EIF1: variants seen among roughly 807,000 people sequenced by gnomAD.
EIF1 encodes the protein eukaryotic translation initiation factor 1.
A neutral mutation model predicts 13.7 loss-of-function variants in EIF1; 4 were observed. That is an observed-to-expected ratio of 0.29 (90% CI 0.14 to 0.67). EIF1 has a LOEUF of 0.67. Among genes scored for constraint, EIF1 ranks in the 30% least tolerant of loss-of-function variants. The probability of loss-of-function intolerance (pLI) is 0.77; values close to 1 mark genes in which losing one functional copy is unlikely to be tolerated. For synonymous variants in EIF1, 67 were observed against 50.7 expected (o/e 1.32, Z -1.37); for missense variants, 64 against 138.0 (o/e 0.46, Z 2.69).
rs766612362 is a variant in EIF1, at chr17:41,689,893, G to A, written c.147G>A (p.Gly49=). 1 of 1,612,804 alleles carries A rather than the reference G, an allele frequency of 6.2e-7. No individual in the cohort carries two copies. The highest frequency in any genetic ancestry group is 8.5e-7 in the Non-Finnish European group (1 of 1,179,446). Residue 49 remains glycine (G), a synonymous_variant, in exon 2 of 4, where the codon GGG becomes GGA. Transcript: ENST00000469257. ...NGRKTLTTVQ[G]IADDYDKKKL... is the part of the protein sequence containing the mutation. ...GGAAGACCCTTACTACTGTCCAAGG[G>A]ATCGCTGATGATTACGATAAAAAGA...
intron 2 of EIF1, 49 bp from the exon 3 acceptor site, chr17:41,690,039 T>C: frequency 6.2e-7 from 1 of 1,610,486 alleles, no homozygotes; most frequent in Non-Finnish European, 8.5e-7. Flanking sequence ...GGGTGATAAA[T>C]GCGTTCATGC....
chr17:41,692,426 C>T lies in EIF1; in HGVS notation c.*1600C>T, dbSNP rs561252373. On this transcript the variant is annotated 3_prime_UTR_variant, in exon 4 of 4. Coordinates refer to ENST00000469257, the MANE Select transcript of EIF1 (RefSeq NM_005801.4). ...GGCAAGTAAAAGACCAAGTTCTGTTCCTGGGTCCATTAATTTAGTTAAAAA... is the reference window on the plus strand; with the variant it reads ...GGCAAGTAAAAGACCAAGTTCTGTTTCTGGGTCCATTAATTTAGTTAAAAA... The T allele has an allele frequency of 2.0e-5, 3 of 152,314 alleles. 1 individual carries two copies. In the Middle Eastern group the frequency reaches 0.01, roughly 518 times the overall value. The allele number at this position is 152,314 out of a possible 1,614,324, so 9.4% of individuals were successfully genotyped here.
intron 2 of EIF1, 69 bp downstream of exon 2, chr17:41,690,010 T>G: frequency 6.2e-7 from 1 of 1,611,466 alleles, no homozygotes; most frequent in Non-Finnish European, 8.5e-7. Context: ...AGCTGTGTTG[T>G]ATGTATTGTT....
At chr17:41,690,260 T>C in intron 3 of EIF1, 71 bp downstream of exon 3, 1 of 1,377,072 alleles carries the variant, frequency 7.3e-7, no homozygotes. Context: ...TAGCTTCTGC[T>C]GGGGACATAA....
chr17:41,690,384 C>T (rs1253937442), intron 3 of EIF1, 195 bp downstream of exon 3: 1 of 578,928 alleles, frequency 1.7e-6, no homozygotes, highest in African/African-American at 1.9e-5. Context: ...TTTACTGTTT[C>T]TGTGGATCTA....
Position 41,688,893 on chromosome 17 carries a change from C to G in EIF1, c.-146C>G. ...ACAGGCACCGCCCCTCTGCCCCAGTCACTGAGCCGCCGCCGAGGATTCAGC... is the reference window on the plus strand; with the variant it reads ...ACAGGCACCGCCCCTCTGCCCCAGTGACTGAGCCGCCGCCGAGGATTCAGC... On this transcript the variant is annotated 5_prime_UTR_variant, in exon 1 of 4. Transcript: ENST00000469257. The G allele has an allele frequency of 5.2e-6, 4 of 768,644 alleles. No individual in the cohort carries two copies. Among genetic ancestry groups the G allele is most frequent in the Non-Finnish European group, 8.6e-6 (4 of 466,572 alleles). 47.6% of individuals were successfully genotyped at this position (768,644 alleles called of 1,614,324 possible).
In EIF1 at chr17:41,688,904, C is replaced by T. The variant is rs867796736; in HGVS notation, c.-135C>T. ...CCCTCTGCCCCAGTCACTGAGCCGC[C>T]GCCGAGGATTCAGCAGCCTCCCCCT... On this transcript the variant is annotated 5_prime_UTR_variant, in exon 1 of 4. Transcript: ENST00000469257. 3.3e-4 allele frequency: 281 copies of T among 852,728 alleles called. 2 individuals carry two copies. Among genetic ancestry groups the T allele is most frequent in the Non-Finnish European group, 4.8e-4 (261 of 539,082 alleles). The allele number at this position is 852,728 out of a possible 1,614,324, so 52.8% of individuals were successfully genotyped here.
intron 3 of EIF1, chr17:41,690,516 A>C: frequency 1.8e-6 from 1 of 560,716 alleles, no homozygotes; most frequent in South Asian, 2.5e-5. Flanking sequence ...ATTAATACTA[A>C]AATACTGTTA....
chr17:41,691,132 G>A lies in EIF1; in HGVS notation c.*306G>A, dbSNP rs1383023839. 3.8e-6 allele frequency: 2 copies of A among 525,588 alleles called. No homozygotes were observed. The highest frequency in any genetic ancestry group is 6.8e-6 in the Non-Finnish European group (2 of 294,510). 32.6% of individuals were successfully genotyped at this position (525,588 alleles called of 1,614,324 possible). On this transcript the variant is annotated 3_prime_UTR_variant, in exon 4 of 4. Transcript: ENST00000469257. ...AGCCCTAAGATTACAAACAACTATG[G>A]CCGGAACCTCCTCAGCTCTCCCTCT...
At chr17:41,689,711 G>A in intron 1 of EIF1, 67 bp from the exon 2 acceptor site, 1 of 1,488,968 alleles carries the variant, frequency 6.7e-7, no homozygotes, top group South Asian at 1.3e-5. Context: ...AAACACCTGG[G>A]GACCGAGGGG....
intron 1 of EIF1, 71 bp downstream of exon 1, chr17:41,689,140 G>A: frequency 1.9e-6 from 3 of 1,564,432 alleles, no homozygotes; most frequent in Admixed American, 1.7e-5. Flanking sequence ...CGTGTTCCGG[G>A]AAGTTGCCAA....
At position 41,690,746 on chromosome 17, in the gene EIF1, T is replaced by TC. The variant is rs754429548; in HGVS notation, c.298-31dup. On this transcript the variant is annotated intron_variant, in intron 3 of 3. Coordinates refer to ENST00000469257, the MANE Select transcript of EIF1 (RefSeq NM_005801.4). ...GAAATGGAGGCTTTAACTCTCCCTGTCCCCCATTTAAAACTTTGCCCTTTT... is the reference window on the plus strand; with the variant it reads ...GAAATGGAGGCTTTAACTCTCCCTGTCCCCCCATTTAAAACTTTGCCCTTTT... 2.5e-6 allele frequency: 4 copies of TC among 1,612,186 alleles called. No individual in the cohort carries two copies. The South Asian group carries it at 4.4e-5, about 18-fold the overall frequency.
intron 1 of EIF1, chr17:41,689,436 C>T (rs1910302151): frequency 4.2e-6 from 2 of 479,502 alleles, no homozygotes; most frequent in African/African-American, 2.0e-5. Context: ...AAGTGGCAAG[C>T]GGGTGCACCA....
chr17:41,691,217 G>C lies in EIF1; in HGVS notation c.*391G>C. 5 of 380,302 alleles carry C rather than the reference G, an allele frequency of 1.3e-5. No individual in the cohort carries two copies. The highest frequency in any genetic ancestry group is 2.4e-5 in the Non-Finnish European group (5 of 212,398). 23.6% of individuals were successfully genotyped at this position (380,302 alleles called of 1,614,324 possible). On this transcript the variant is annotated 3_prime_UTR_variant, in exon 4 of 4. Transcript: ENST00000469257. ...TGAACAGTCCTCGGTGAATCTGAGA[G>C]GAGAGGATGGGGTAAGGCAGAAGCA...
At position 41,688,976 on chromosome 17, in the gene EIF1, T is replaced by G. The variant is rs1468457257; in HGVS notation, c.-63T>G. ...GTTCCGTTCCCCCCTGCCCGCCTTCTCCCGCCACCGCCGCCGCCGCCTTCC... is the reference window on the plus strand; with the variant it reads ...GTTCCGTTCCCCCCTGCCCGCCTTCGCCCGCCACCGCCGCCGCCGCCTTCC... On this transcript the variant is annotated 5_prime_UTR_variant, in exon 1 of 4. Coordinates refer to ENST00000469257, the MANE Select transcript of EIF1 (RefSeq NM_005801.4). 5 of 1,583,610 alleles carry G rather than the reference T, an allele frequency of 3.2e-6. No individual in the cohort carries two copies. Among genetic ancestry groups the G allele is most frequent in the African/African-American group, 1.4e-5 (1 of 73,650 alleles).
Position 41,688,977 on chromosome 17 carries a change from C to CCCGCCACCG in EIF1, c.-56_-48dup, listed in dbSNP as rs1910280865. 6 of 1,588,772 alleles carry CCCGCCACCG rather than the reference C, an allele frequency of 3.8e-6. No individual in the cohort carries two copies. Among genetic ancestry groups the CCCGCCACCG allele is most frequent in the Non-Finnish European group, 5.2e-6 (6 of 1,160,862 alleles). ...TTCCGTTCCCCCCTGCCCGCCTTCT[C>CCCGCCACCG]CCGCCACCGCCGCCGCCGCCTTCCG... On this transcript the variant is annotated 5_prime_UTR_variant, in exon 1 of 4. Transcript: ENST00000469257.
In EIF1 at chr17:41,690,639, C is replaced by CT. The variant is rs1910347442; in HGVS notation, c.298-142dup. ...AGTGTTCAAAAAAGGTAGCTCTTAA[C>CT]TGAGGACCCTCTGTTGAACCATTGT... On this transcript the variant is annotated intron_variant, in intron 3 of 3. Coordinates refer to ENST00000469257, the MANE Select transcript of EIF1 (RefSeq NM_005801.4). 1.3e-5 allele frequency: 10 copies of CT among 799,026 alleles called. No individual in the cohort carries two copies. The South Asian group carries it at 1.7e-4, about 13-fold the overall frequency. The allele number at this position is 799,026 out of a possible 1,614,324, so 49.5% of individuals were successfully genotyped here. A position where few individuals can be genotyped will look rare whatever the true frequency, so the allele number is the denominator to read the frequency against.
chr17:41,689,740 C>G, intron 1 of EIF1, 38 bp from the exon 2 acceptor site: 1 of 1,550,296 alleles, frequency 6.5e-7, no homozygotes, highest in Non-Finnish European at 8.7e-7. Context: ...GGCATCCTAT[C>G]TTTGACAGCT....
intron 3 of EIF1, 28 bp from the exon 4 acceptor site, chr17:41,690,754 T>G (rs1567767036): frequency 6.2e-7 from 1 of 1,613,756 alleles, no homozygotes; most frequent in Non-Finnish European, 8.5e-7. Flanking sequence ...TGTCCCCCAT[T>G]TAAAACTTTG....
Sources: allele counts gnomAD v4.1 joint callset, GRCh38; gene constraint gnomAD v4.1.1; transcripts MANE v1.5; gene names NCBI Gene and HGNC (gene_info 2026-07-23, HGNC 2026-07-21).